NLRP2: variants seen among roughly 807,000 people sequenced by gnomAD.
NLRP2 encodes the protein NLR family pyrin domain containing 2.
A neutral mutation model predicts 97.2 loss-of-function variants in NLRP2; 107 were observed. That is an observed-to-expected ratio of 1.10 (90% CI 0.94 to 1.29). The LOEUF (loss-of-function observed/expected upper bound fraction) is 1.29, where lower values mean the gene tolerates loss of function less well. Ranked by LOEUF, NLRP2 falls within the 50% of genes most tolerant of loss-of-function variation. The pLI is 0.00. For missense variants in NLRP2, 1,495 were observed against 1,330.3 expected (o/e 1.12, Z -1.93); for synonymous variants, 663 against 551.5 (o/e 1.20, Z -2.83).
chr19:54,999,072 A>C (rs1400441553), intron 12 of NLRP2, among the ~76,000 whole-genome samples: 3 of 103,314 alleles, frequency 2.9e-5, no homozygotes, highest in Non-Finnish European at 6.9e-5. Flanking sequence ...GGGGCTCCTC[A>C]CTTCCCATTA....
intron 12 of NLRP2, among the ~76,000 whole-genome samples, chr19:54,998,192 T>G (rs535273941): frequency 1.3e-5 from 2 of 152,012 alleles, no homozygotes; most frequent in East Asian, 1.9e-4. Flanking sequence ...GTAATTTTTG[T>G]ATTTTTAGTA....
At chr19:54,966,615 GGCTCACT>G (rs1232327850) in intron 1 of NLRP2, 148 bp downstream of exon 1, 1 of 151,180 alleles carries the variant, frequency 6.6e-6, no homozygotes, top group Non-Finnish European at 1.5e-5. Flanking sequence ...GCGCGATCTC[GGCTCACT>G]GCAAGCTCCG....
intron 1 of NLRP2, among the ~76,000 whole-genome samples, 178 bp downstream of exon 1, chr19:54,966,645 A>T (rs1418436107): frequency 6.6e-6 from 1 of 151,882 alleles, no homozygotes; most frequent in Admixed American, 6.6e-5. Flanking sequence ...TCCCGGGTTC[A>T]GGCCATTCTC....
rs2071325350 is a variant in NLRP2 at position 54,977,614 on chromosome 19, A to T, written c.326-138A>T. 7.3e-6 allele frequency: 6 copies of T among 822,780 alleles called. No homozygotes were observed. In the East Asian group the frequency reaches 1.5e-4, roughly 20 times the overall value. 51.0% of individuals were successfully genotyped at this position (822,780 alleles called of 1,614,324 possible). A position where few individuals can be genotyped will look rare whatever the true frequency, so the allele number is the denominator to read the frequency against. On this transcript the variant is annotated intron_variant, in intron 3 of 12. Transcript: ENST00000448584. ...CATGGCCTAATGTACTTTCACTTTT[A>T]CATCCAGTACCTTATCAACGTCCTT...
At chr19:54,973,345 T>TTG (rs1555764961) in intron 2 of NLRP2, among the ~76,000 whole-genome samples, 2 of 19,054 alleles carry the variant, frequency 1.0e-4, no homozygotes, top group Non-Finnish European at 1.7e-4. Context: ...TGGGTGAGGG[T>TTG]TTTTTTTTTT....
intron 7 of NLRP2, 96 bp downstream of exon 7, chr19:54,985,313 T>A: frequency 8.5e-7 from 1 of 1,174,880 alleles, no homozygotes; most frequent in Non-Finnish European, 1.3e-6. Context: ...TACTAGACTC[T>A]TAAGTGCTCG....
At chr19:54,974,697 A>G (rs2071085615) in intron 3 of NLRP2, among the ~76,000 whole-genome samples, 153 bp downstream of exon 3, 1 of 152,230 alleles carries the variant, frequency 6.6e-6, no homozygotes, top group Non-Finnish European at 1.5e-5. Flanking sequence ...GCAGGTGCGT[A>G]GCAGTAAGAC....
chr19:54,977,611 T>A (rs1404342435), intron 3 of NLRP2, 141 bp from the exon 4 acceptor site: 2 of 814,844 alleles, frequency 2.5e-6, no homozygotes, highest in Non-Finnish European at 4.2e-6. Context: ...TACTTTCACT[T>A]TTACATCCAG....
At chr19:54,999,788 G>A (rs1192943181) in intron 12 of NLRP2, among the ~76,000 whole-genome samples, 1 of 152,036 alleles carries the variant, frequency 6.6e-6, no homozygotes, top group Non-Finnish European at 1.5e-5. Flanking sequence ...TCAGGCTGGA[G>A]TGCAGGGGCC....
At chr19:54,986,476 A>G (rs2072095389) in intron 8 of NLRP2, 161 bp downstream of exon 8, 2 of 692,966 alleles carry the variant, frequency 2.9e-6, no homozygotes, top group South Asian at 3.1e-5. Flanking sequence ...TTGAGTTTCT[A>G]CTTGCCTTGA....
intron 3 of NLRP2, among the ~76,000 whole-genome samples, chr19:54,975,473 A>G (rs1317029479): frequency 7.3e-6 from 1 of 137,654 alleles, no homozygotes; most frequent in East Asian, 2.4e-4. Context: ...TTTTTTTGAG[A>G]TAGAGTCTCT....
At chr19:54,967,784 A>C (rs1279698318) in intron 1 of NLRP2, among the ~76,000 whole-genome samples, 1 of 152,104 alleles carries the variant, frequency 6.6e-6, no homozygotes, top group African/African-American at 2.4e-5. Context: ...GGAGCCTCTT[A>C]GCATCATTCT....
At chr19:54,975,056 G>A (rs946214628) in intron 3 of NLRP2, among the ~76,000 whole-genome samples, 3 of 144,868 alleles carry the variant, frequency 2.1e-5, no homozygotes, top group African/African-American at 5.0e-5. Context: ...CCACCTCAGC[G>A]TCCCAAAATG....
chr19:54,973,914 A>AG, intron 2 of NLRP2: 1 of 717,336 alleles, frequency 1.4e-6, no homozygotes, highest in Non-Finnish European at 2.5e-6. Context: ...TGGTATGCCC[A>AG]GGGGAAGTAG....
At chr19:54,971,808 A>G (rs2070870451) in intron 2 of NLRP2, among the ~76,000 whole-genome samples, 1 of 152,026 alleles carries the variant, frequency 6.6e-6, no homozygotes, top group Admixed American at 6.6e-5. Context: ...ATAACAATAC[A>G]ATAAAATGCA....
intron 6 of NLRP2, among the ~76,000 whole-genome samples, chr19:54,984,329 GTTT>G (rs200366059): frequency 1.0e-3 from 83 of 79,668 alleles, no homozygotes; most frequent in African/African-American, 2.7e-3. Context: ...TTTTTTTTGT[GTTT>G]TTTTTTTTTT....
At chr19:54,972,475 C>T (rs149824315) in intron 2 of NLRP2, among the ~76,000 whole-genome samples, 1 of 151,992 alleles carries the variant, frequency 6.6e-6, no homozygotes, top group East Asian at 1.9e-4. Context: ...GCCGCCATGC[C>T]CAGCTACACT....
At position 54,970,255 on chromosome 19, in the gene NLRP2, C is replaced by G. The variant is rs1351601258; in HGVS notation, c.240C>G (p.His80Gln). ...GCCTCCAGGTCTTTGAAAAGATGCA[C>G]CGAATGGATCTGTCTGAGAGAGCAA... The part of the protein sequence containing the change: ...MASLQVFEKM[H>Q]RMDLSERAKD... Residue 80 changes from histidine to glutamine, a missense_variant, in exon 2 of 13, where the codon CAC becomes CAG. By Grantham distance (24) the His-to-Gln change is conservative (BLOSUM62 0). Transcript: ENST00000448584. 2.5e-6 allele frequency: 4 copies of G among 1,614,142 alleles called. No homozygotes were observed. Among genetic ancestry groups the G allele is most frequent in the South Asian group, 1.1e-5 (1 of 91,084 alleles).
At position 54,983,600 on chromosome 19, in the gene NLRP2, A is replaced by G. The variant is rs1568502635; in HGVS notation, c.1902A>G (p.Ala634=). The G allele has an allele frequency of 1.9e-6, 3 of 1,614,202 alleles. No homozygotes were observed. The highest frequency in any genetic ancestry group is 2.5e-6 in the Non-Finnish European group (3 of 1,180,040). The change falls in exon 6 of 13, where the codon GCA becomes GCG. Residue 634 remains alanine, a synonymous_variant. Transcript: ENST00000448584. ...AAGAAATATCCCTGCACTTAAATGC[A>G]GTAGACGTTGTGCCATCTTCATTCT... ...QFKEISLHLN[A]VDVVPSSFCV...
Sources: allele counts gnomAD v4.1 joint callset (sites outside exome capture counted in the v4.1 genomes callset), GRCh38; gene constraint gnomAD v4.1.1; transcripts MANE v1.5; gene names NCBI Gene and HGNC (gene_info 2026-07-23, HGNC 2026-07-21).